The following CTSC variants were observed in gnomAD, a reference collection of about 807,000 sequenced individuals.
CTSC encodes the protein cathepsin C.
A neutral mutation model predicts 40.9 loss-of-function variants in CTSC; 37 were observed. The observed-to-expected ratio is 0.91, with a 90% CI of 0.70 to 1.19. The LOEUF (loss-of-function observed/expected upper bound fraction) is 1.19, where lower values mean the gene tolerates loss of function less well. Ranked by LOEUF, CTSC falls within the 50% of genes most tolerant of loss-of-function variation. The probability of loss-of-function intolerance (pLI) is 0.00; values close to 1 mark genes in which losing one functional copy is unlikely to be tolerated. For missense variants in CTSC, 594 were observed against 567.3 expected (o/e 1.05, Z -0.48); for synonymous variants, 232 against 207.4 (o/e 1.12, Z -1.02).
At position 88,294,000 on chromosome 11, in the gene CTSC, C is replaced by T. The variant is rs3891239; in HGVS notation, c.*6G>A. On this transcript the variant is annotated 3_prime_UTR_variant, in exon 7 of 7. Coordinates refer to ENST00000227266, the MANE Select transcript of CTSC (RefSeq NM_001814.6). ...CAGATCATTATGAAATACTGGAAGG[C>T]ATACCCTACAATTTAGGAATTGGTG... 1 of 1,613,768 alleles carries T rather than the reference C, an allele frequency of 6.2e-7. No individual in the cohort carries two copies. Among genetic ancestry groups the T allele is most frequent in the Non-Finnish European group, 8.5e-7 (1 of 1,179,946 alleles).
intron 2 of CTSC, chr11:88,324,637 T>C: frequency 1.0e-6 from 1 of 984,856 alleles, no homozygotes; most frequent in African/African-American, 1.7e-5. Flanking sequence ...GAAATACAGA[T>C]TTTCAATCTG....
intron 2 of CTSC, among the ~76,000 whole-genome samples, chr11:88,330,418 G>A (rs1037741727): frequency 2.0e-5 from 3 of 150,888 alleles, no homozygotes; most frequent in East Asian, 3.9e-4. Context: ...GTGTGATCTC[G>A]GCTCACTGCA....
chr11:88,325,001 C>A, intron 2 of CTSC: 2 of 985,218 alleles, frequency 2.0e-6, no homozygotes, highest in South Asian at 9.4e-5. Flanking sequence ...AAAAATTCTT[C>A]TATTCAAGCA....
chr11:88,321,020 T>C lies in CTSC; in HGVS notation c.319-8466A>G, dbSNP rs189274529. On this transcript the variant is annotated intron_variant, in intron 2 of 6. Transcript: ENST00000227266. ...ATTCAGGGATCTTCTGACACATGTA[T>C]CTGCAATTTTGTACTCACTGAATCT... 2.3e-4 allele frequency: 226 copies of C among 985,386 alleles called. 1 individual carries two copies. In the African/African-American group the frequency reaches 3.5e-3, roughly 15 times the overall value. 61.0% of individuals were successfully genotyped at this position (985,386 alleles called of 1,614,324 possible). A position where few individuals can be genotyped will look rare whatever the true frequency, so the allele number is the denominator to read the frequency against.
chr11:88,312,469 G>A lies in CTSC; in HGVS notation c.404C>T (p.Ala135Val). 6.2e-7 allele frequency: 1 copy of A among 1,614,152 alleles called. No homozygotes were observed. The change falls in exon 3 of 7, where the codon GCT becomes GTT. Residue 135 changes from alanine to valine, a missense_variant. Ala to Val is a moderately conservative substitution (Grantham distance 64, BLOSUM62 0). Coordinates refer to ENST00000227266, the MANE Select transcript of CTSC (RefSeq NM_001814.6). ...TCCCACCTTCTTTCCGGTGAAACAA[G>A]CCCAGTTCCGGCCCAACACATCATG... ...WVHDVLGRNW[A>V]CFTGKKVGTA...
intron 4 of CTSC, among the ~76,000 whole-genome samples, chr11:88,305,412 AGGAGTCTGG>A (rs987717212): frequency 6.6e-6 from 1 of 152,224 alleles, no homozygotes; most frequent in African/African-American, 2.4e-5. Flanking sequence ...AGAGAGCAAG[AGGAGTCTGG>A]GGGATAAAAA....
At chr11:88,314,654 A>G (rs901374789) in intron 2 of CTSC, among the ~76,000 whole-genome samples, 1 of 152,098 alleles carries the variant, frequency 6.6e-6, no homozygotes, top group Non-Finnish European at 1.5e-5. Flanking sequence ...CAGCCTCCCA[A>G]GTAGCTGCGA....
chr11:88,323,977 C>A (rs1938106370), intron 2 of CTSC: 1 of 152,046 alleles, frequency 6.6e-6, no homozygotes, highest in Non-Finnish European at 1.5e-5. Flanking sequence ...GCAAAAAGAA[C>A]AAACCTGGAG....
At chr11:88,327,819 C>T (rs1238345401) in intron 2 of CTSC, 2 of 400,122 alleles carry the variant, frequency 5.0e-6, no homozygotes, top group Non-Finnish European at 9.3e-6. Context: ...TTTTTTTTAG[C>T]TGGGTCTTTA....
chr11:88,331,729 G>A (rs1254793137), intron 2 of CTSC, among the ~76,000 whole-genome samples: 1 of 152,190 alleles, frequency 6.6e-6, no homozygotes, highest in Non-Finnish European at 1.5e-5. Flanking sequence ...AGGCCTGTCT[G>A]TTCAGATTCT....
intron 3 of CTSC, among the ~76,000 whole-genome samples, chr11:88,311,863 C>T (rs969338912): frequency 6.6e-6 from 1 of 152,218 alleles, no homozygotes; most frequent in Non-Finnish European, 1.5e-5. Flanking sequence ...CCAAACCTGA[C>T]AACACCTCAA....
At chr11:88,326,198 C>T in intron 2 of CTSC, 1 of 1,383,018 alleles carries the variant, frequency 7.2e-7, no homozygotes, top group African/African-American at 1.4e-5. Flanking sequence ...GTTCACATTC[C>T]AAAATGATGT....
intron 1 of CTSC, among the ~76,000 whole-genome samples, chr11:88,335,852 C>T (rs1044898599): frequency 2.0e-5 from 3 of 152,180 alleles, no homozygotes; most frequent in Non-Finnish European, 4.4e-5. Flanking sequence ...GGAGAAGACA[C>T]AAAATGATCT....
intron 2 of CTSC, among the ~76,000 whole-genome samples, chr11:88,332,057 G>A (rs1283710645): frequency 6.6e-6 from 1 of 152,132 alleles, no homozygotes; most frequent in Non-Finnish European, 1.5e-5. Context: ...TATATAAAGA[G>A]GATAAAAGGA....
At position 88,320,924 on chromosome 11, in the gene CTSC, C is replaced by T. The variant is rs370120144; in HGVS notation, c.319-8370G>A. The T allele has an allele frequency of 5.2e-4, 502 of 959,506 alleles. 3 individuals carry two copies. In the South Asian group the frequency reaches 0.022, roughly 41 times the overall value. The allele number at this position is 959,506 out of a possible 1,614,324, so 59.4% of individuals were successfully genotyped here. Reference sequence around the variant, plus strand: ...TTAGTAAGATGGAGTTGATCCTTGCCCTAATGAAGTTTAAAGACCAGAGAG... The same window carrying T: ...TTAGTAAGATGGAGTTGATCCTTGCTCTAATGAAGTTTAAAGACCAGAGAG... On this transcript the variant is annotated intron_variant, in intron 2 of 6. Coordinates refer to ENST00000227266, the MANE Select transcript of CTSC (RefSeq NM_001814.6).
At chr11:88,314,461 T>C (rs772098565) in intron 2 of CTSC, among the ~76,000 whole-genome samples, 37 of 152,352 alleles carry the variant, frequency 2.4e-4, no homozygotes, top group Non-Finnish European at 4.1e-4. Flanking sequence ...CACTGTGTTA[T>C]ATAGCACAGG....
rs1435199561 is a variant in CTSC at position 88,300,488 on chromosome 11, G to A, written c.757+42C>T. On this transcript the variant is annotated intron_variant, in intron 5 of 6. Transcript: ENST00000227266. Reference sequence around the variant, plus strand: ...ACACAGAGCAACTGTTCAATAAATAGTTCCAAACAAATTAACAAAAAACTT... The same window carrying A: ...ACACAGAGCAACTGTTCAATAAATAATTCCAAACAAATTAACAAAAAACTT... 9.0e-6 allele frequency: 11 copies of A among 1,222,836 alleles called. No homozygotes were observed. In the Admixed American group the frequency reaches 1.7e-4, roughly 19 times the overall value. 75.7% of individuals were successfully genotyped at this position (1,222,836 alleles called of 1,614,324 possible).
At chr11:88,297,698 G>T (rs1944313514) in intron 5 of CTSC, 1 of 152,284 alleles carries the variant, frequency 6.6e-6, no homozygotes, top group East Asian at 1.9e-4. Flanking sequence ...CAGGAACAAG[G>T]GAAGAAGATA....
intron 2 of CTSC, among the ~76,000 whole-genome samples, chr11:88,318,504 C>T (rs762699729): frequency 4.1e-4 from 62 of 152,314 alleles, no homozygotes; most frequent in Non-Finnish European, 8.5e-4. Flanking sequence ...ATATTCTATC[C>T]AAAACTGCCA....
Sources: gnomAD v4.1 joint callset for allele counts (sites outside exome capture counted in the v4.1 genomes callset) on GRCh38, gnomAD v4.1.1 for gene constraint, MANE v1.5 for transcripts, NCBI Gene and HGNC (gene_info 2026-07-23, HGNC 2026-07-21) for gene names.